SUMF1: variants seen among roughly 807,000 people sequenced by gnomAD.
SUMF1 encodes sulfatase modifying factor 1, also known as formylglycine-generating enzyme.
SUMF1 carries 48 observed loss-of-function variants against 47.6 expected under a neutral mutation model. The observed-to-expected ratio is 1.01, with a 90% CI of 0.80 to 1.28. The LOEUF is 1.28. SUMF1 is among the 50% of genes most tolerant of loss of function. SUMF1 has a pLI of 0.00. For missense variants in SUMF1, 571 were observed against 485.4 expected, an observed-to-expected ratio of 1.18 and a Z score of -1.66; for synonymous variants, 230 against 192.1, an observed-to-expected ratio of 1.20 and a Z score of -1.63.
intron 8 of SUMF1, among the ~76,000 whole-genome samples, chr3:4,222,975 G>A (rs531452291): frequency 4.2e-4 from 64 of 152,204 alleles, no homozygotes; most frequent in African/African-American, 1.3e-3. Context: ...AGAATACAAA[G>A]TAATCTGCAT....
chr3:4,406,425 G>A lies in SUMF1; in HGVS notation c.954+4440C>T, dbSNP rs1056058252. Among the ~76,000 whole-genome samples the A allele has an allele frequency of 2.0e-5, 3 of 152,164 alleles. No individual in the cohort carries two copies. In the South Asian group the frequency reaches 6.2e-4, roughly 31 times the overall value. The stretch of plus-strand genomic sequence containing the variant: ...AATCCCAGCACTTCGGGAGGCGGAG[G>A]CAGGTGGATCACCAGAGGTCAGGAG... On this transcript the variant is annotated intron_variant, in intron 7 of 8. Coordinates refer to ENST00000272902, the MANE Select transcript of SUMF1 (RefSeq NM_182760.4).
rs148562004 is a variant in SUMF1, at chr3:4,086,121, A to G, written c.1015-17376T>C. ...AGAACACAGAAACAAGGGCCATTAA[A>G]CAACCTGGCTGTTAGGCAAAATATA... On this transcript the variant is annotated intron_variant and NMD_transcript_variant, in intron 8 of 12. Coordinates refer to the SUMF1 transcript ENST00000448413. 3.2e-3 allele frequency among the ~76,000 whole-genome samples: 481 copies of G among 152,128 alleles called. 5 individuals carry two copies. The highest frequency in any genetic ancestry group is 0.011 in the African/African-American group (456 of 41,466).
chr3:4,114,144 C>T lies in SUMF1; in HGVS notation c.1015-45399G>A, dbSNP rs970361311. On this transcript the variant is annotated intron_variant and NMD_transcript_variant, in intron 8 of 12. Coordinates refer to the SUMF1 transcript ENST00000448413. ...AAATACCTAAAATCAAGATTGAGCT[C>T]TCTTTCCTGTTACACCACTGAACTT... 3.3e-5 allele frequency among the ~76,000 whole-genome samples: 5 copies of T among 152,098 alleles called. No individual in the cohort carries two copies. In the South Asian group the frequency reaches 6.2e-4, roughly 19 times the overall value.
At chr3:4,351,558 A>G (rs1699502206) in intron 8 of SUMF1, among the ~76,000 whole-genome samples, 1 of 152,180 alleles carries the variant, frequency 6.6e-6, no homozygotes, top group African/African-American at 2.4e-5. Flanking sequence ...GAATGAGCTG[A>G]TAATGCACCT....
At chr3:4,140,850 G>C (rs1694054391) in intron 8 of SUMF1, among the ~76,000 whole-genome samples, 1 of 151,800 alleles carries the variant, frequency 6.6e-6, no homozygotes, top group Non-Finnish European at 1.5e-5. Context: ...TTTCATTGAA[G>C]AAAATAAACC....
At position 4,086,903 on chromosome 3, in the gene SUMF1, G is replaced by C. The variant is rs543421572; in HGVS notation, c.1015-18158C>G. On this transcript the variant is annotated intron_variant and NMD_transcript_variant, in intron 8 of 12. Transcript: ENST00000448413. ...AGACATGCCTCTTGCCTTCCACCAT[G>C]ATTATGAGGCCTCCTCAGCCATGTG... Among the ~76,000 whole-genome samples, 5 of 152,148 alleles carry C rather than the reference G, an allele frequency of 3.3e-5. No individual in the cohort carries two copies. The South Asian group carries it at 1.0e-3, about 32-fold the overall frequency.
chr3:4,464,932 A>G (rs771504892), intron 1 of SUMF1, among the ~76,000 whole-genome samples: 9 of 152,244 alleles, frequency 5.9e-5, no homozygotes, highest in African/African-American at 9.6e-5. Flanking sequence ...CCCATATAGC[A>G]TCCAGTCAAG....
At chr3:4,176,298 G>C (rs528367144) in intron 8 of SUMF1, among the ~76,000 whole-genome samples, 133 of 152,250 alleles carry the variant, frequency 8.7e-4, no homozygotes, top group African/African-American at 3.0e-3. Context: ...GAAAGGTCGA[G>C]TTACTCACAA....
chr3:4,121,972 T>C (rs115526163), intron 8 of SUMF1, among the ~76,000 whole-genome samples: 4,559 of 152,256 alleles, frequency 0.03, 240 homozygotes, highest in African/African-American at 0.1. Context: ...TGGTATTTGT[T>C]TTCTGTTCCT....
chr3:4,424,795 C>A (rs777824171), intron 3 of SUMF1, among the ~76,000 whole-genome samples: 1 of 152,142 alleles, frequency 6.6e-6, no homozygotes, highest in East Asian at 1.9e-4. Context: ...AAAAAAATGT[C>A]TGGAAGAATA....
In SUMF1 at chr3:4,211,123, C is replaced by CAT. The variant is rs1280044876; in HGVS notation, c.1015-142379_1015-142378insAT. Among the ~76,000 whole-genome samples, 10 of 77,656 alleles carry CAT rather than the reference C, an allele frequency of 1.3e-4. No homozygotes were observed. The East Asian group carries it at 1.5e-3, about 11-fold the overall frequency. 50.9% of individuals were successfully genotyped at this position (77,656 alleles called of 152,430 possible). A position where few individuals can be genotyped will look rare whatever the true frequency, so the allele number is the denominator to read the frequency against. On this transcript the variant is annotated intron_variant and NMD_transcript_variant, in intron 8 of 12. Coordinates refer to the SUMF1 transcript ENST00000448413. ...ACTCCCATATATATATATATATATA[C>CAT]ACACACACACACATATATACATATA...
At chr3:4,298,057 A>G (rs1040708689) in intron 8 of SUMF1, among the ~76,000 whole-genome samples, 9 of 152,156 alleles carry the variant, frequency 5.9e-5, no homozygotes, top group African/African-American at 1.9e-4. Context: ...TTTTTTTATT[A>G]CTGATCAGAT....
chr3:4,126,707 A>T (rs1204355913), intron 8 of SUMF1, among the ~76,000 whole-genome samples: 4 of 152,178 alleles, frequency 2.6e-5, no homozygotes, highest in African/African-American at 9.6e-5. Flanking sequence ...AAGAGGGCAA[A>T]AGTCTTACTG....
At chr3:4,049,954 C>T (rs1384703828) in intron 9 of SUMF1, among the ~76,000 whole-genome samples, 9 of 151,966 alleles carry the variant, frequency 5.9e-5, no homozygotes, top group Admixed American at 5.9e-4. Flanking sequence ...GTTTGGCCAT[C>T]CAGTAGCCAA....
At chr3:4,287,978 T>A (rs1292608966) in intron 8 of SUMF1, among the ~76,000 whole-genome samples, 2 of 152,216 alleles carry the variant, frequency 1.3e-5, no homozygotes, top group African/African-American at 4.8e-5. Flanking sequence ...TCTCTTCTGC[T>A]CATCTTTTTA....
chr3:4,452,215 T>A (rs930753192), intron 2 of SUMF1, among the ~76,000 whole-genome samples: 1 of 151,426 alleles, frequency 6.6e-6, no homozygotes, highest in Non-Finnish European at 1.5e-5. Flanking sequence ...GCATATAAAA[T>A]AAGTATATTT....
At chr3:4,057,955 G>A in intron 9 of SUMF1, among the ~76,000 whole-genome samples, 1 of 152,082 alleles carries the variant, frequency 6.6e-6, no homozygotes, top group South Asian at 2.1e-4. Context: ...AAGGTGTTGA[G>A]AAAGTGGCAG....
At chr3:4,101,801 C>T (rs1380875997) in intron 8 of SUMF1, among the ~76,000 whole-genome samples, 1 of 151,888 alleles carries the variant, frequency 6.6e-6, no homozygotes, top group East Asian at 1.9e-4. Context: ...TTAAAATGTG[C>T]TATTTACTGT....
At chr3:4,385,916 T>G (rs1700657080) in intron 7 of SUMF1, among the ~76,000 whole-genome samples, 1 of 152,198 alleles carries the variant, frequency 6.6e-6, no homozygotes, top group Non-Finnish European at 1.5e-5. Context: ...TTTGGCAACT[T>G]TGTCAAAAAT....
Sources: gnomAD v4.1 joint callset for allele counts (sites outside exome capture counted in the v4.1 genomes callset) on GRCh38, gnomAD v4.1.1 for gene constraint, MANE v1.5 for transcripts, NCBI Gene and HGNC (gene_info 2026-07-23, HGNC 2026-07-21) for gene names.